Variants in TLN2 observed in about 807,000 individuals in gnomAD.
The protein encoded by TLN2 is talin 2.
Under a neutral mutation model 294.7 loss-of-function variants are expected in TLN2, and 118 were observed. The observed-to-expected ratio is 0.40, with a 90% CI of 0.34 to 0.47. The LOEUF (loss-of-function observed/expected upper bound fraction) is 0.47. Ranked by LOEUF, TLN2 falls within the 20% of genes least tolerant of loss-of-function variation. The pLI is 0.84. For missense variants in TLN2, 3,083 were observed against 3,282.2 expected, an observed-to-expected ratio of 0.94 and a Z score of 1.48; for synonymous variants, 1,431 against 1,304.5, an observed-to-expected ratio of 1.10 and a Z score of -2.09.
At chr15:62,572,169 G>T (rs2140646590) in intron 1 of TLN2, among the ~76,000 whole-genome samples, 1 of 152,236 alleles carries the variant, frequency 6.6e-6, no homozygotes, top group East Asian at 1.9e-4. Flanking sequence ...ACTGGTGGGT[G>T]TCCTGAATTG....
chr15:62,682,554 C>G (rs754859164), intron 11 of TLN2, among the ~76,000 whole-genome samples: 2 of 152,076 alleles, frequency 1.3e-5, no homozygotes, highest in Non-Finnish European at 2.9e-5. Flanking sequence ...GTTACCTTAC[C>G]TTTCATCTCT....
chr15:62,755,750 A>G (rs2062210031), intron 37 of TLN2, 57 bp downstream of exon 37: 2 of 1,592,310 alleles, frequency 1.3e-6, no homozygotes, highest in South Asian at 1.1e-5. Flanking sequence ...CTGGCGGGGG[A>G]AGGGGAACAA....
intron 1 of TLN2, among the ~76,000 whole-genome samples, chr15:62,435,073 T>C (rs1010155881): frequency 3.3e-5 from 5 of 151,990 alleles, no homozygotes; most frequent in East Asian, 3.8e-4. Flanking sequence ...GCTCCATCCA[T>C]GTCCCTGCAA....
At chr15:62,393,008 C>A (rs990795622) in intron 1 of TLN2, among the ~76,000 whole-genome samples, 16 of 150,722 alleles carry the variant, frequency 1.1e-4, no homozygotes, top group Non-Finnish European at 2.1e-4. Context: ...TTTTTTTTTT[C>A]ATTGAGCACT....
At chr15:62,822,571 C>T (rs972216215) in intron 54 of TLN2, among the ~76,000 whole-genome samples, 1 of 152,180 alleles carries the variant, frequency 6.6e-6, no homozygotes, top group African/African-American at 2.4e-5. Context: ...GCTGGGAGGG[C>T]TATGTATGGC....
intron 1 of TLN2, among the ~76,000 whole-genome samples, chr15:62,437,269 C>T (rs1405462660): frequency 6.6e-6 from 1 of 152,196 alleles, no homozygotes; most frequent in African/African-American, 2.4e-5. Context: ...GCACATTCAT[C>T]AATAGCAGTG....
chr15:62,486,673 A>G (rs950861201), intron 1 of TLN2, among the ~76,000 whole-genome samples: 14 of 152,002 alleles, frequency 9.2e-5, no homozygotes, highest in African/African-American at 2.2e-4. Context: ...TCATTACTGG[A>G]GACATTAGCT....
intron 57 of TLN2, 24 bp downstream of exon 57, chr15:62,836,097 GA>G: frequency 1.3e-6 from 2 of 1,592,088 alleles, no homozygotes; most frequent in East Asian, 2.3e-5. Flanking sequence ...ATGCTGGTGG[GA>G]AAATACTCCT....
chr15:62,804,528 G>A (rs1439393342), intron 50 of TLN2, among the ~76,000 whole-genome samples: 2 of 152,148 alleles, frequency 1.3e-5, no homozygotes, highest in Admixed American at 1.3e-4. Context: ...AGCCCAGGAG[G>A]TCAAAGTTGC....
chr15:62,809,301 T>C (rs2066510607), intron 51 of TLN2, among the ~76,000 whole-genome samples: 1 of 152,156 alleles, frequency 6.6e-6, no homozygotes, highest in Admixed American at 6.5e-5. Context: ...AGAAAAAAGC[T>C]CAAGATGCTG....
chr15:62,645,832 C>A (rs2051761998), intron 3 of TLN2, among the ~76,000 whole-genome samples: 1 of 152,166 alleles, frequency 6.6e-6, no homozygotes, highest in South Asian at 2.1e-4. Context: ...ATTCTATTAG[C>A]TACTAACTAT....
At chr15:62,545,526 G>A (rs539250385) in intron 1 of TLN2, among the ~76,000 whole-genome samples, 1 of 147,598 alleles carries the variant, frequency 6.8e-6, no homozygotes, top group South Asian at 2.1e-4. Context: ...GTGTGTGTGT[G>A]TGTGTGTGTG....
intron 1 of TLN2, among the ~76,000 whole-genome samples, chr15:62,468,561 A>C (rs530586700): frequency 4.6e-5 from 7 of 152,004 alleles, no homozygotes; most frequent in African/African-American, 1.7e-4. Context: ...CTGGCCAACA[A>C]GGTGAAACCC....
intron 1 of TLN2, among the ~76,000 whole-genome samples, chr15:62,479,108 T>G (rs1387734829): frequency 1.3e-5 from 2 of 152,216 alleles, no homozygotes; most frequent in Non-Finnish European, 2.9e-5. Context: ...AGCAGCTCCT[T>G]CTTGCTTCTT....
At position 62,719,848 on chromosome 15, in the gene TLN2, G is replaced by C. The variant is rs531515976; in HGVS notation, c.2959G>C (p.Ala987Pro). ...AGCTGAAGACCTGAGTGCCCAGCTG[G>C]CTCTCATCATCTCCAGCCAGAACTT... is the stretch of plus-strand genomic sequence containing the variant. Reference protein sequence around the residue: ...AQAEDLSAQLALIISSQNFLQ... With the variant: ...AQAEDLSAQLPLIISSQNFLQ... The change falls in exon 25 of 59, where the codon GCT becomes CCT. Residue 987 changes from alanine (A) to proline (P), a missense_variant. By Grantham distance (27) the Ala-to-Pro change is conservative (BLOSUM62 -1). Transcript: ENST00000636159. 7 of 1,611,792 alleles carry C rather than the reference G, an allele frequency of 4.3e-6. No individual in the cohort carries two copies. In the South Asian group the frequency reaches 7.7e-5, roughly 18 times the overall value.
At chr15:62,484,792 C>G (rs917445526) in intron 1 of TLN2, among the ~76,000 whole-genome samples, 28 of 152,158 alleles carry the variant, frequency 1.8e-4, no homozygotes, top group African/African-American at 6.3e-4. Flanking sequence ...AGGCTCCACT[C>G]ACCTAACTTC....
At chr15:62,486,000 C>T (rs2038369836) in intron 1 of TLN2, among the ~76,000 whole-genome samples, 2 of 146,714 alleles carry the variant, frequency 1.4e-5, no homozygotes, top group South Asian at 4.5e-4. Context: ...TGATTTCAAA[C>T]TTACAGAAAA....
chr15:62,658,202 C>G (rs943604401), intron 9 of TLN2: 5 of 252,508 alleles, frequency 2.0e-5, no homozygotes, highest in Non-Finnish European at 3.0e-5. Flanking sequence ...AAAACCGCTC[C>G]AGTAGGGCCA....
chr15:62,702,585 C>T (rs67465793), intron 18 of TLN2, among the ~76,000 whole-genome samples, 181 bp from the exon 19 acceptor site: 48,259 of 152,190 alleles, frequency 0.32, 8,219 homozygotes, highest in East Asian at 0.67. Flanking sequence ...GTTTGTGAGA[C>T]ACTGGATGTT....
Sources: gnomAD v4.1 joint callset for allele counts (sites outside exome capture counted in the v4.1 genomes callset) on GRCh38, gnomAD v4.1.1 for gene constraint, MANE v1.5 for transcripts, NCBI Gene and HGNC (gene_info 2026-07-23, HGNC 2026-07-21) for gene names.